KIF6: variants seen among roughly 807,000 people sequenced by gnomAD.
KIF6 encodes the protein kinesin family member 6, also known as kinesin-like protein KIF6.
KIF6 carries 106 observed loss-of-function variants against 112.7 expected under a neutral mutation model. The observed-to-expected ratio is 0.94, with a 90% CI of 0.80 to 1.11. The LOEUF (loss-of-function observed/expected upper bound fraction) is 1.11. Among genes scored for constraint, KIF6 ranks in the 50% least tolerant of loss-of-function variants. KIF6 has a pLI of 0.00. For missense variants in KIF6, 929 were observed against 964.0 expected, an observed-to-expected ratio of 0.96 and a Z score of 0.48; for synonymous variants, 339 against 339.9, an observed-to-expected ratio of 1.00 and a Z score of 0.03.
chr6:39,465,349 A>G (rs559197803), intron 13 of KIF6, among the ~76,000 whole-genome samples: 1 of 152,354 alleles, frequency 6.6e-6, no homozygotes, highest in African/African-American at 2.4e-5. Flanking sequence ...GTTATTATCA[A>G]GAGACAATAG....
intron 13 of KIF6, among the ~76,000 whole-genome samples, chr6:39,447,310 C>G (rs901057122): frequency 6.6e-6 from 1 of 152,172 alleles, no homozygotes; most frequent in African/African-American, 2.4e-5. Flanking sequence ...CCTCTGGTAA[C>G]AACTAAACAT....
chr6:39,647,958 ACCT>A (rs1387163928), intron 3 of KIF6, among the ~76,000 whole-genome samples: 4 of 150,204 alleles, frequency 2.7e-5, no homozygotes, highest in Non-Finnish European at 5.9e-5. Context: ...TGATCCACCC[ACCT>A]CAACCTCTCA....
At chr6:39,645,235 T>C (rs992350410) in intron 3 of KIF6, among the ~76,000 whole-genome samples, 3 of 152,186 alleles carry the variant, frequency 2.0e-5, no homozygotes, top group Non-Finnish European at 4.4e-5. Flanking sequence ...TATCTTTTAA[T>C]ATTTGCATGA....
chr6:39,593,955 G>C (rs1782093847), intron 7 of KIF6, among the ~76,000 whole-genome samples: 1 of 152,172 alleles, frequency 6.6e-6, no homozygotes, highest in South Asian at 2.1e-4. Flanking sequence ...CCCTGCACTA[G>C]ACCATGAGGT....
rs956512349 is a variant in KIF6 at position 39,725,384 on chromosome 6, G to A, written c.-74C>T. 14 of 1,232,544 alleles carry A rather than the reference G, an allele frequency of 1.1e-5. No individual in the cohort carries two copies. The highest frequency in any genetic ancestry group is 3.1e-5 in the African/African-American group (2 of 64,854). The allele number at this position is 1,232,544 out of a possible 1,614,324, so 76.4% of individuals were successfully genotyped here. ...GCCAAAACTAACTCCCACCACCTCC[G>A]GCGACCCACAGTCTTAGCAACAGTA... On this transcript the variant is annotated 5_prime_UTR_variant, in exon 1 of 23. Coordinates refer to ENST00000287152, the MANE Select transcript of KIF6 (RefSeq NM_145027.6).
At chr6:39,566,235 G>A (rs565280679) in intron 10 of KIF6, among the ~76,000 whole-genome samples, 111 of 152,168 alleles carry the variant, frequency 7.3e-4, no homozygotes, top group Non-Finnish European at 1.3e-3. Context: ...AGTCTACAAT[G>A]AGTACATATT....
At chr6:39,694,687 A>C (rs950463655) in intron 3 of KIF6, among the ~76,000 whole-genome samples, 10 of 152,172 alleles carry the variant, frequency 6.6e-5, no homozygotes, top group African/African-American at 1.9e-4. Flanking sequence ...CAAATGGAAA[A>C]GTATTCTATG....
At chr6:39,432,762 C>T (rs1287273047) in intron 13 of KIF6, among the ~76,000 whole-genome samples, 1 of 152,192 alleles carries the variant, frequency 6.6e-6, no homozygotes, top group Non-Finnish European at 1.5e-5. Context: ...CCATACCTTT[C>T]CCCTGTCCGG....
chr6:39,644,140 A>G (rs1785044095), intron 3 of KIF6, among the ~76,000 whole-genome samples: 1 of 140,462 alleles, frequency 7.1e-6, no homozygotes, highest in Non-Finnish European at 1.5e-5. Context: ...GCAATTTCAC[A>G]CCCACTAGTA....
intron 2 of KIF6, among the ~76,000 whole-genome samples, chr6:39,715,485 G>A (rs1789788081): frequency 6.7e-6 from 1 of 149,566 alleles, no homozygotes. Flanking sequence ...GGAACACTCG[G>A]GGTAGAAGAC....
At chr6:39,719,012 G>A (rs941643354) in intron 2 of KIF6, among the ~76,000 whole-genome samples, 2 of 152,042 alleles carry the variant, frequency 1.3e-5, no homozygotes, top group African/African-American at 4.8e-5. Context: ...AACAAAAAAA[G>A]CAAATAAGAA....
At chr6:39,398,269 G>T (rs759179045) in intron 15 of KIF6, among the ~76,000 whole-genome samples, 17 of 152,160 alleles carry the variant, frequency 1.1e-4, no homozygotes, top group Admixed American at 2.6e-4. Context: ...GGGACAGGTG[G>T]ATAACTGTTT....
intron 3 of KIF6, among the ~76,000 whole-genome samples, chr6:39,682,662 C>A (rs921201445): frequency 6.6e-6 from 1 of 152,194 alleles, no homozygotes; most frequent in African/African-American, 2.4e-5. Context: ...TTACTGCAAC[C>A]TCCACCTCCT....
At chr6:39,483,697 T>C (rs761935617) in intron 13 of KIF6, among the ~76,000 whole-genome samples, 16 of 152,296 alleles carry the variant, frequency 1.1e-4, no homozygotes, top group Non-Finnish European at 1.9e-4. Flanking sequence ...TCCAGGCCTT[T>C]ATCCGAGATT....
At chr6:39,641,750 G>A (rs1784913146) in intron 3 of KIF6, among the ~76,000 whole-genome samples, 2 of 151,982 alleles carry the variant, frequency 1.3e-5, no homozygotes, top group Admixed American at 6.6e-5. Context: ...CGAAAAGTGA[G>A]TAGGTAGTAC....
intron 13 of KIF6, among the ~76,000 whole-genome samples, chr6:39,531,127 A>G (rs1368616574): frequency 6.6e-6 from 1 of 152,226 alleles, no homozygotes; most frequent in Non-Finnish European, 1.5e-5. Flanking sequence ...GTAGAACTAT[A>G]TCCAATAACA....
In KIF6 at chr6:39,333,686, TTCTC is replaced by T. The variant is rs1189048890; in HGVS notation, c.*2842_*2845del. The T allele has an allele frequency of 6.6e-6, 1 of 152,184 alleles. No individual in the cohort carries two copies. Among genetic ancestry groups the T allele is most frequent in the Non-Finnish European group, 1.5e-5 (1 of 68,026 alleles). The allele number at this position is 152,184 out of a possible 1,614,324, so 9.4% of individuals were successfully genotyped here. On this transcript the variant is annotated 3_prime_UTR_variant, in exon 23 of 23. Transcript: ENST00000287152. Reference sequence around the variant, plus strand: ...AATGATGTATTCAGTATACCACAATTTCTCTATCTGCTTTCTAAAACTCCTTTTT... The same window carrying T: ...AATGATGTATTCAGTATACCACAATTTATCTGCTTTCTAAAACTCCTTTTT...
At chr6:39,499,914 CAACAG>C (rs1194846617) in intron 13 of KIF6, among the ~76,000 whole-genome samples, 1 of 152,144 alleles carries the variant, frequency 6.6e-6, no homozygotes. Flanking sequence ...AGTAACTGCT[CAACAG>C]AGGAAGGTAT....
intron 15 of KIF6, among the ~76,000 whole-genome samples, chr6:39,412,187 AT>A (rs983444415): frequency 6.6e-6 from 1 of 152,034 alleles, no homozygotes; most frequent in African/African-American, 2.4e-5. Context: ...GCTTCAAATC[AT>A]TTTTTTTGTT....
Sources: gnomAD v4.1 joint callset for allele counts (sites outside exome capture counted in the v4.1 genomes callset) on GRCh38, gnomAD v4.1.1 for gene constraint, MANE v1.5 for transcripts, NCBI Gene and HGNC (gene_info 2026-07-23, HGNC 2026-07-21) for gene names.